GRM8: variants seen among roughly 807,000 people sequenced by gnomAD.
GRM8 encodes metabotropic glutamate receptor 8.
Under a neutral mutation model 87.2 loss-of-function variants are expected in GRM8, and 47 were observed. The observed-to-expected ratio is 0.54, with a 90% CI of 0.43 to 0.69. GRM8 has a LOEUF of 0.69. Among genes scored for constraint, GRM8 ranks in the 30% least tolerant of loss-of-function variants. GRM8 has a pLI of 0.00. For missense variants in GRM8, 1,019 were observed against 1,139.2 expected (o/e 0.89, Z 1.52); for synonymous variants, 396 against 404.5 (o/e 0.98, Z 0.25).
At chr7:127,058,104 T>C (rs181133328) in intron 3 of GRM8, 7 of 511,894 alleles carry the variant, frequency 1.4e-5, no homozygotes, top group African/African-American at 5.9e-5. Context: ...ACGTCTTACG[T>C]CATGATGTTG....
chr7:126,829,416 T>A (rs1347020644), intron 6 of GRM8, among the ~76,000 whole-genome samples: 4 of 133,252 alleles, frequency 3.0e-5, no homozygotes, highest in Non-Finnish European at 6.4e-5. Flanking sequence ...TTTAGGATAG[T>A]TAGCTCTTCT....
intron 8 of GRM8, among the ~76,000 whole-genome samples, chr7:126,578,510 G>C (rs2151004707): frequency 6.6e-6 from 1 of 152,286 alleles, no homozygotes; most frequent in East Asian, 1.9e-4. Context: ...GAGGAGGGCA[G>C]AGGCAGCCAC....
chr7:126,917,807 A>G (rs1204055458), intron 3 of GRM8, among the ~76,000 whole-genome samples: 1 of 152,182 alleles, frequency 6.6e-6, no homozygotes, highest in South Asian at 2.1e-4. Context: ...TTACATCATC[A>G]AGGCTGCACA....
At chr7:126,917,009 C>T (rs1053179511) in intron 3 of GRM8, among the ~76,000 whole-genome samples, 3 of 152,140 alleles carry the variant, frequency 2.0e-5, no homozygotes, top group Non-Finnish European at 2.9e-5. Context: ...TCAGATAGCA[C>T]TAAAAAGAAA....
intron 7 of GRM8, among the ~76,000 whole-genome samples, chr7:126,740,383 CA>C (rs1266284899): frequency 6.6e-6 from 1 of 152,050 alleles, no homozygotes; most frequent in Non-Finnish European, 1.5e-5. Flanking sequence ...TTGGTTTGTA[CA>C]AACAGTACGA....
At chr7:126,666,744 T>A (rs968284347) in intron 7 of GRM8, among the ~76,000 whole-genome samples, 4 of 152,178 alleles carry the variant, frequency 2.6e-5, no homozygotes, top group African/African-American at 9.6e-5. Context: ...ATCCCTTATC[T>A]GCAGTTTTAA....
chr7:126,441,964 A>C (rs184058110), intron 10 of GRM8, among the ~76,000 whole-genome samples: 25 of 151,352 alleles, frequency 1.7e-4, no homozygotes, highest in Non-Finnish European at 3.4e-4. Flanking sequence ...TAGACTTTAG[A>C]CCTGGTTTTA....
chr7:126,963,305 ATTTCT>A (rs1809502334), intron 3 of GRM8, among the ~76,000 whole-genome samples: 1 of 152,228 alleles, frequency 6.6e-6, no homozygotes, highest in Admixed American at 6.5e-5. Flanking sequence ...AATGAACATT[ATTTCT>A]TTTCTTAGCC....
intron 3 of GRM8, among the ~76,000 whole-genome samples, chr7:126,953,446 A>G (rs952624988): frequency 3.9e-5 from 6 of 152,166 alleles, no homozygotes; most frequent in African/African-American, 1.4e-4. Flanking sequence ...TGCAACTCCA[A>G]CAGTGAAATA....
intron 2 of GRM8, among the ~76,000 whole-genome samples, chr7:127,198,725 G>T (rs1795426140): frequency 1.3e-5 from 2 of 151,810 alleles, no homozygotes; most frequent in African/African-American, 4.8e-5. Context: ...ATAGAGTCTG[G>T]AGTGCAGTGA....
intron 3 of GRM8, among the ~76,000 whole-genome samples, chr7:127,055,214 A>G (rs1819866034): frequency 3.2e-5 from 2 of 61,684 alleles, no homozygotes; most frequent in South Asian, 9.1e-4. Context: ...TTTTTAAATG[A>G]TGTTTTTCGT....
chr7:126,933,019 G>A (rs894817349), intron 3 of GRM8, among the ~76,000 whole-genome samples: 7 of 152,118 alleles, frequency 4.6e-5, no homozygotes, highest in African/African-American at 1.7e-4. Context: ...TCCAGGAAAG[G>A]CTAAAACCAG....
At chr7:126,498,426 T>C (rs531427834) in intron 9 of GRM8, among the ~76,000 whole-genome samples, 1 of 151,956 alleles carries the variant, frequency 6.6e-6, no homozygotes, top group East Asian at 2.0e-4. Flanking sequence ...TGACCATTAG[T>C]GGGGGCCTCA....
intron 2 of GRM8, among the ~76,000 whole-genome samples, chr7:127,241,897 A>C (rs1378572710): frequency 6.6e-6 from 1 of 152,226 alleles, no homozygotes; most frequent in Non-Finnish European, 1.5e-5. Context: ...TAAAATGAGA[A>C]AGTTAATGAA....
chr7:127,026,040 C>T (rs191742989), intron 3 of GRM8, among the ~76,000 whole-genome samples: 3 of 152,168 alleles, frequency 2.0e-5, no homozygotes, highest in Admixed American at 2.0e-4. Context: ...TGTGATGTTC[C>T]CCTCCCTGTG....
intron 6 of GRM8, among the ~76,000 whole-genome samples, chr7:126,892,808 G>C (rs1457588236): frequency 4.6e-5 from 7 of 152,102 alleles, no homozygotes; most frequent in Non-Finnish European, 1.0e-4. Flanking sequence ...GTTGTTTCCT[G>C]ACTTTTTAAT....
At position 126,606,635 on chromosome 7, in the gene GRM8, T is replaced by A. The variant is rs1271144244; in HGVS notation, c.1494+2727A>T. Among the ~76,000 whole-genome samples, 9 of 152,320 alleles carry A rather than the reference T, an allele frequency of 5.9e-5. 2 individuals are homozygous for A. Among genetic ancestry groups the A allele is most frequent in the Admixed American group, 5.9e-4 (9 of 15,302 alleles). On this transcript the variant is annotated intron_variant, in intron 8 of 10. Coordinates refer to ENST00000339582, the MANE Select transcript of GRM8 (RefSeq NM_000845.3). ...TCCTCAGAATTCAATTCTTAATTTA[T>A]AACCTCTCTCCACAGTGCAATTTAT... is the stretch of plus-strand genomic sequence containing the variant.
chr7:126,587,951 A>G (rs1585137870), intron 8 of GRM8, among the ~76,000 whole-genome samples: 1 of 152,068 alleles, frequency 6.6e-6, no homozygotes, highest in East Asian at 1.9e-4. Context: ...ACTAAGTTTA[A>G]AGTATGTTCT....
chr7:126,994,568 C>G (rs1226373485), intron 3 of GRM8, among the ~76,000 whole-genome samples: 1 of 152,088 alleles, frequency 6.6e-6, no homozygotes, highest in Non-Finnish European at 1.5e-5. Flanking sequence ...CTGAAGAGCC[C>G]CTGGGCCTTA....
Sources: allele counts gnomAD v4.1 joint callset (sites outside exome capture counted in the v4.1 genomes callset), GRCh38; gene constraint gnomAD v4.1.1; transcripts MANE v1.5; gene names NCBI Gene and HGNC (gene_info 2026-07-23, HGNC 2026-07-21).